ELMOD3: variants seen among roughly 807,000 people sequenced by gnomAD.
ELMOD3 encodes the protein ELMO domain-containing protein 3.
In ELMOD3, 36 loss-of-function variants were observed where a neutral mutation model predicts 47.4. That is an observed-to-expected ratio of 0.76 (90% CI 0.58 to 1.00). ELMOD3 has a LOEUF of 1.00. ELMOD3 is among the 50% of genes least tolerant of loss of function. The pLI, the probability that ELMOD3 is intolerant of heterozygous loss-of-function variation, is 0.00. For missense variants in ELMOD3, 404 were observed against 463.8 expected, an observed-to-expected ratio of 0.87 and a Z score of 1.18; for synonymous variants, 149 against 183.5, an observed-to-expected ratio of 0.81 and a Z score of 1.52.
At chr2:85,384,450 G>T (rs1463827704) in intron 11 of ELMOD3, among the ~76,000 whole-genome samples, 1 of 152,136 alleles carries the variant, frequency 6.6e-6, no homozygotes, top group Non-Finnish European at 1.5e-5. Flanking sequence ...GGAGGAGATG[G>T]ACCTCCATGG....
intron 6 of ELMOD3, among the ~76,000 whole-genome samples, chr2:85,366,460 G>A (rs780163763): frequency 2.0e-5 from 3 of 152,162 alleles, no homozygotes; most frequent in Non-Finnish European, 4.4e-5. Flanking sequence ...AGATATTTAG[G>A]ACCCTGGACC....
chr2:85,355,548 G>C lies in ELMOD3; in HGVS notation c.-276-7G>C, dbSNP rs1310665655. 6.6e-6 allele frequency: 1 copy of C among 152,182 alleles called. No individual in the cohort carries two copies. Among genetic ancestry groups the C allele is most frequent in the Non-Finnish European group, 1.5e-5 (1 of 68,046 alleles). 9.4% of individuals were successfully genotyped at this position (152,182 alleles called of 1,614,324 possible). The stretch of plus-strand genomic sequence containing the variant: ...TGGAATTGTTGCTCTTTTCTTCTCT[G>C]CTACAGATAGTAACTGTCCCTACTG... On this transcript the variant is annotated splice_region_variant and splice_polypyrimidine_tract_variant and intron_variant, in intron 2 of 13. Coordinates refer to ENST00000409013, the MANE Select transcript of ELMOD3 (RefSeq NM_001135022.2).
At chr2:85,380,494 A>T (rs2104674614) in intron 11 of ELMOD3, among the ~76,000 whole-genome samples, 1 of 152,274 alleles carries the variant, frequency 6.6e-6, no homozygotes, top group East Asian at 1.9e-4. Context: ...TGCATTCAAG[A>T]GCCCCTGTTA....
At chr2:85,375,979 T>C (rs568052221) in intron 10 of ELMOD3, among the ~76,000 whole-genome samples, 2 of 152,164 alleles carry the variant, frequency 1.3e-5, no homozygotes, top group East Asian at 1.9e-4. Context: ...TCTGATGACA[T>C]TGGGCCCACC....
chr2:85,390,020 T>C (rs1334088440), intron 12 of ELMOD3, 118 bp from the exon 13 acceptor site: 2 of 1,172,390 alleles, frequency 1.7e-6, no homozygotes, highest in South Asian at 1.2e-5. Context: ...TGGGGAATGG[T>C]GGGGGCATCC....
At chr2:85,357,685 T>G (rs1683659591) in intron 4 of ELMOD3, 1 of 153,298 alleles carries the variant, frequency 6.5e-6, no homozygotes, top group African/African-American at 2.4e-5. Context: ...AAAATGGTCT[T>G]AAATGGAGGC....
chr2:85,387,635 C>T (rs1030449814), intron 11 of ELMOD3, among the ~76,000 whole-genome samples: 1 of 145,008 alleles, frequency 6.9e-6, no homozygotes, highest in African/African-American at 2.6e-5. Context: ...GCCCTGCACT[C>T]CAGCCTGGGC....
rs1230400297 is a variant in ELMOD3, at chr2:85,390,852, T to C, written c.1036T>C (p.Leu346=). 4.5e-6 allele frequency: 7 copies of C among 1,551,648 alleles called. No individual in the cohort carries two copies. The highest frequency in any genetic ancestry group is 6.1e-6 in the Non-Finnish European group (7 of 1,146,984). The stretch of plus-strand genomic sequence containing the variant: ...GGTGTCAAAGGGACAGGCCTCCTTG[T>C]TGGGAGCACAGAAGTGCTATGGGCC... ...ARVSKGQASL[L]GAQKCYGPEA... is the part of the protein sequence containing the mutation. The change falls in exon 14 of 14, where the codon TTG becomes CTG. Residue 346 remains leucine, a synonymous_variant. Coordinates refer to ENST00000409013, the MANE Select transcript of ELMOD3 (RefSeq NM_001135022.2).
At chr2:85,380,766 G>A (rs1685485057) in intron 11 of ELMOD3, among the ~76,000 whole-genome samples, 1 of 152,088 alleles carries the variant, frequency 6.6e-6, no homozygotes, top group African/African-American at 2.4e-5. Context: ...CTCAAGTGAT[G>A]TGCTCGCCTC....
chr2:85,374,302 A>C (rs890544246), intron 10 of ELMOD3, among the ~76,000 whole-genome samples: 13 of 152,096 alleles, frequency 8.5e-5, no homozygotes, highest in African/African-American at 3.1e-4. Context: ...GGAGTTCAAG[A>C]TCAGCCTGGG....
intron 11 of ELMOD3, among the ~76,000 whole-genome samples, chr2:85,388,065 C>T (rs1304076008): frequency 1.2e-4 from 18 of 152,118 alleles, no homozygotes; most frequent in Non-Finnish European, 1.5e-5. Context: ...TGTAGGCACC[C>T]TCTGCCTAGC....
chr2:85,389,790 A>G lies in ELMOD3; in HGVS notation c.778A>G (p.Ile260Val). ...FCLMSVNITH[I>V]AIQALREECL... ...TTTGATGTCCGTGAACATCACCCAC[A>G]TTGCCATCCAGGCCTTGAGAGAGGA... The change falls in exon 12 of 14, where the codon ATT becomes GTT. Residue 260 changes from isoleucine (I) to valine (V), a missense_variant. Physicochemically the swap from Ile to Val is conservative, Grantham distance 29. Transcript: ENST00000409013. The G allele has an allele frequency of 6.2e-7, 1 of 1,614,074 alleles. No homozygotes were observed. The highest frequency in any genetic ancestry group is 8.5e-7 in the Non-Finnish European group (1 of 1,180,006).
At chr2:85,364,804 CATATATAT>C (rs1224340659) in intron 6 of ELMOD3, among the ~76,000 whole-genome samples, 2 of 78,056 alleles carry the variant, frequency 2.6e-5, no homozygotes, top group African/African-American at 1.2e-4. Flanking sequence ...ACTTTAAATA[CATATATAT>C]ATATATATAT....
intron 6 of ELMOD3, among the ~76,000 whole-genome samples, chr2:85,365,343 T>C (rs1028117322): frequency 6.6e-6 from 1 of 150,450 alleles, no homozygotes; most frequent in African/African-American, 2.4e-5. Context: ...GAGCGAGACT[T>C]CTTCTCAAAA....
intron 10 of ELMOD3, among the ~76,000 whole-genome samples, chr2:85,374,811 CAAAA>C (rs1349027447): frequency 1.3e-5 from 2 of 151,942 alleles, no homozygotes; most frequent in African/African-American, 4.8e-5. Context: ...GACTCTGTCT[CAAAA>C]GAAAGATCTT....
chr2:85,377,787 T>G (rs777577042), intron 11 of ELMOD3, among the ~76,000 whole-genome samples: 12 of 152,216 alleles, frequency 7.9e-5, no homozygotes, highest in Non-Finnish European at 1.8e-4. Flanking sequence ...TTTTTTACTT[T>G]CTGCAGAAAG....
intron 10 of ELMOD3, among the ~76,000 whole-genome samples, chr2:85,373,609 G>A (rs954856319): frequency 6.6e-6 from 1 of 152,046 alleles, no homozygotes; most frequent in Non-Finnish European, 1.5e-5. Flanking sequence ...GGGAGGCCAC[G>A]GCGGGAGGAT....
At chr2:85,370,990 CT>C in intron 8 of ELMOD3, 95 bp from the exon 9 acceptor site, 1 of 1,445,776 alleles carries the variant, frequency 6.9e-7, no homozygotes, top group Non-Finnish European at 9.5e-7. Context: ...GGGGGAGTTA[CT>C]TTCTGCAAGC....
At chr2:85,359,584 CAA>C (rs778387935) in intron 4 of ELMOD3, among the ~76,000 whole-genome samples, 1 of 150,820 alleles carries the variant, frequency 6.6e-6, no homozygotes, top group Non-Finnish European at 1.5e-5. Flanking sequence ...GCTAAAAATA[CAA>C]AAAAAATACT....
Sources: gnomAD v4.1 joint callset for allele counts (sites outside exome capture counted in the v4.1 genomes callset) on GRCh38, gnomAD v4.1.1 for gene constraint, MANE v1.5 for transcripts, NCBI Gene and HGNC (gene_info 2026-07-23, HGNC 2026-07-21) for gene names.